B3GALT1: variants seen among roughly 807,000 people sequenced by gnomAD.
B3GALT1 encodes the protein UDP-Gal:betaGlcNAc beta 1,3-galactosyltransferase, polypeptide 1.
B3GALT1 carries 10 observed loss-of-function variants against 23.2 expected under a neutral mutation model. That is an observed-to-expected ratio of 0.43 (90% confidence interval 0.27 to 0.73). The LOEUF (loss-of-function observed/expected upper bound fraction) is 0.73. B3GALT1 is among the 30% of genes least tolerant of loss of function. The pLI, the probability that B3GALT1 is intolerant of heterozygous loss-of-function variation, is 0.21. For missense variants in B3GALT1, 299 were observed against 405.4 expected (o/e 0.74, Z 2.25); for synonymous variants, 156 against 141.5 (o/e 1.10, Z -0.73).
At chr2:167,822,604 A>C (rs1458231110) in intron 4 of B3GALT1, among the ~76,000 whole-genome samples, 2 of 152,220 alleles carry the variant, frequency 1.3e-5, no homozygotes, top group African/African-American at 4.8e-5. Flanking sequence ...GCCTACACAC[A>C]GACCAAGGCA....
chr2:167,438,866 G>A (rs1269904985), intron 1 of B3GALT1, among the ~76,000 whole-genome samples: 2 of 152,182 alleles, frequency 1.3e-5, no homozygotes, highest in East Asian at 3.9e-4. Context: ...GAGAAAGACA[G>A]CAGCTTCAGG....
At chr2:167,445,350 G>T (rs985334447) in intron 1 of B3GALT1, among the ~76,000 whole-genome samples, 2 of 152,182 alleles carry the variant, frequency 1.3e-5, no homozygotes, top group African/African-American at 2.4e-5. Context: ...TGTTGATTTG[G>T]GGTGAAGAGT....
At chr2:167,715,726 C>T in intron 3 of B3GALT1, 1 of 1,613,160 alleles carries the variant, frequency 6.2e-7, no homozygotes, top group Non-Finnish European at 8.5e-7. Context: ...AGCTGGCATC[C>T]TCTAAAGATG....
chr2:167,778,421 G>T (rs1263005781), intron 3 of B3GALT1, among the ~76,000 whole-genome samples: 2 of 151,416 alleles, frequency 1.3e-5, no homozygotes, highest in Non-Finnish European at 2.9e-5. Flanking sequence ...AATTTTAAAG[G>T]GTTTATTGTA....
intron 3 of B3GALT1, among the ~76,000 whole-genome samples, chr2:167,682,266 AAAAT>A (rs1686543757): frequency 6.6e-6 from 1 of 152,222 alleles, no homozygotes; most frequent in South Asian, 2.1e-4. Flanking sequence ...TACAAAAGAG[AAAAT>A]AAATAAGATA....
At chr2:167,566,344 A>C (rs533738573) in intron 2 of B3GALT1, among the ~76,000 whole-genome samples, 1 of 150,516 alleles carries the variant, frequency 6.6e-6, no homozygotes, top group South Asian at 2.1e-4. Flanking sequence ...CACTCTGGGG[A>C]CTGTTTTGGG....
intron 2 of B3GALT1, among the ~76,000 whole-genome samples, chr2:167,499,971 T>TGTGTATA (rs1348928437): frequency 1.3e-5 from 2 of 151,946 alleles, no homozygotes; most frequent in Non-Finnish European, 2.9e-5. Context: ...AGGGGTGGTG[T>TGTGTATA]GTGTATATGT....
intron 1 of B3GALT1, among the ~76,000 whole-genome samples, chr2:167,448,967 T>C (rs557588706): frequency 6.6e-6 from 1 of 152,316 alleles, no homozygotes; most frequent in South Asian, 2.1e-4. Context: ...TATGCCATTT[T>C]ATACCAGTAC....
intron 1 of B3GALT1, among the ~76,000 whole-genome samples, chr2:167,413,467 T>C (rs1183422981): frequency 1.3e-5 from 2 of 152,052 alleles, no homozygotes; most frequent in South Asian, 2.1e-4. Context: ...TATGATAAAA[T>C]CCTCAATCCA....
At chr2:167,306,405 T>C (rs796568365) in intron 1 of B3GALT1, among the ~76,000 whole-genome samples, 7 of 152,218 alleles carry the variant, frequency 4.6e-5, no homozygotes, top group African/African-American at 1.7e-4. Context: ...AAATATGTTG[T>C]AAAATGGTGA....
At chr2:167,332,548 A>C (rs1696990029) in intron 1 of B3GALT1, among the ~76,000 whole-genome samples, 1 of 152,240 alleles carries the variant, frequency 6.6e-6, no homozygotes, top group Non-Finnish European at 1.5e-5. Context: ...GTCACATCCA[A>C]AGGCTGTTTC....
intron 1 of B3GALT1, among the ~76,000 whole-genome samples, chr2:167,425,501 A>G (rs756233231): frequency 6.6e-6 from 1 of 152,234 alleles, no homozygotes; most frequent in Admixed American, 6.5e-5. Flanking sequence ...GTGCAGTAAT[A>G]TAGTTGAGAA....
chr2:167,717,132 CTT>C (rs894258389), intron 3 of B3GALT1, among the ~76,000 whole-genome samples: 23 of 152,106 alleles, frequency 1.5e-4, no homozygotes, highest in African/African-American at 5.5e-4. Context: ...CCTGTTTTGT[CTT>C]TCATTTTTTC....
At chr2:167,563,797 C>G (rs1684079146) in intron 2 of B3GALT1, among the ~76,000 whole-genome samples, 1 of 137,998 alleles carries the variant, frequency 7.2e-6, no homozygotes, top group Non-Finnish European at 1.6e-5. Context: ...CCCCACCTCC[C>G]CCCCGGAGGG....
chr2:167,830,271 G>A (rs925660194), intron 4 of B3GALT1, among the ~76,000 whole-genome samples: 6 of 152,064 alleles, frequency 3.9e-5, no homozygotes, highest in African/African-American at 1.4e-4. Context: ...AGACCTGGGA[G>A]CAGGGGTCAG....
At chr2:167,379,587 G>A (rs1258267200) in intron 1 of B3GALT1, among the ~76,000 whole-genome samples, 1 of 152,140 alleles carries the variant, frequency 6.6e-6, no homozygotes, top group Non-Finnish European at 1.5e-5. Flanking sequence ...ATGCTTAAAG[G>A]TAAGAGTTGG....
At chr2:167,754,443 C>T (rs1293865691) in intron 3 of B3GALT1, among the ~76,000 whole-genome samples, 5 of 152,078 alleles carry the variant, frequency 3.3e-5, no homozygotes, top group South Asian at 2.1e-4. Context: ...TGCCTTTCCA[C>T]GAAATACCCC....
At chr2:167,609,751 G>A (rs533972487) in intron 2 of B3GALT1, among the ~76,000 whole-genome samples, 14 of 152,238 alleles carry the variant, frequency 9.2e-5, no homozygotes, top group East Asian at 5.8e-4. Flanking sequence ...GCCCAAAGGC[G>A]TATCACAGAA....
At chr2:167,351,972 T>A (rs1697315581) in intron 1 of B3GALT1, among the ~76,000 whole-genome samples, 1 of 139,786 alleles carries the variant, frequency 7.2e-6, no homozygotes, top group Admixed American at 7.3e-5. Flanking sequence ...TTTTTTTTTT[T>A]TTTTTTGAGT....
Sources: gnomAD v4.1 joint callset for allele counts (sites outside exome capture counted in the v4.1 genomes callset) on GRCh38, gnomAD v4.1.1 for gene constraint, MANE v1.5 for transcripts, NCBI Gene and HGNC (gene_info 2026-07-23, HGNC 2026-07-21) for gene names.